DLGAP2: variants seen among roughly 807,000 people sequenced by gnomAD.
The protein encoded by DLGAP2 is disks large-associated protein 2.
DLGAP2 carries 26 observed loss-of-function variants against 100.3 expected under a neutral mutation model. The observed-to-expected ratio is 0.26, with a 90% CI of 0.19 to 0.36. The LOEUF is 0.36. DLGAP2 is among the 10% of genes least tolerant of loss of function. The probability of loss-of-function intolerance (pLI) is 1.00; values close to 1 mark genes in which losing one functional copy is unlikely to be tolerated. For missense variants in DLGAP2, 1,858 were observed against 1,453.2 expected (o/e 1.28, Z -4.53); for synonymous variants, 886 against 630.1 (o/e 1.41, Z -6.08).
intron 4 of DLGAP2, among the ~76,000 whole-genome samples, chr8:1,504,613 G>T (rs1799840734): frequency 6.6e-6 from 1 of 152,176 alleles, no homozygotes; most frequent in African/African-American, 2.4e-5. Context: ...TATGCTTTCA[G>T]ATTCCACGTG....
At chr8:1,425,614 A>G (rs574609072) in intron 3 of DLGAP2, among the ~76,000 whole-genome samples, 2 of 152,346 alleles carry the variant, frequency 1.3e-5, no homozygotes, top group African/African-American at 4.8e-5. Context: ...GCCTGGGCGC[A>G]TGATCCACAT....
intron 3 of DLGAP2, among the ~76,000 whole-genome samples, chr8:1,417,729 A>AGGGGGCCCCACTCCTGCCTCACT (rs1563134364): frequency 9.4e-4 from 12 of 12,708 alleles, no homozygotes; most frequent in African/African-American, 1.1e-3. Context: ...GGCTCCAGAC[A>AGGGGGCCCCACTCCTGCCTCACT]CAGAAGCCCA....
intron 2 of DLGAP2, among the ~76,000 whole-genome samples, chr8:1,114,585 C>T (rs529566050): frequency 2.0e-5 from 3 of 151,792 alleles, no homozygotes; most frequent in Admixed American, 2.0e-4. Context: ...TGGGCCTCCT[C>T]TCTTTTCTTC....
chr8:1,646,936 G>T (rs1798053512), intron 8 of DLGAP2, among the ~76,000 whole-genome samples: 3 of 152,222 alleles, frequency 2.0e-5, no homozygotes, highest in African/African-American at 7.2e-5. Flanking sequence ...AAAGGCCAGA[G>T]AAGCGTCGGA....
chr8:767,357 T>G (rs1175025991), intron 1 of DLGAP2, among the ~76,000 whole-genome samples: 2 of 150,224 alleles, frequency 1.3e-5, no homozygotes, highest in Admixed American at 1.3e-4. Flanking sequence ...TGTTTTTTTT[T>G]TTTTTTTTTT....
intron 4 of DLGAP2, among the ~76,000 whole-genome samples, chr8:1,537,475 G>A (rs1026749773): frequency 1.3e-5 from 2 of 152,032 alleles, no homozygotes; most frequent in Non-Finnish European, 2.9e-5. Flanking sequence ...CCACCACCCT[G>A]CCCCAGTCTC....
At chr8:1,552,679 T>C (rs79791695) in intron 5 of DLGAP2, among the ~76,000 whole-genome samples, 2 of 152,206 alleles carry the variant, frequency 1.3e-5, no homozygotes, top group Non-Finnish European at 2.9e-5. Flanking sequence ...AGTGTACGGA[T>C]AAGATTTAAA....
At chr8:1,540,086 C>T (rs1186849450) in intron 4 of DLGAP2, among the ~76,000 whole-genome samples, 1 of 152,224 alleles carries the variant, frequency 6.6e-6, no homozygotes, top group East Asian at 1.9e-4. Flanking sequence ...AGTGCCGCCA[C>T]AGGCACCAAC....
In DLGAP2 at chr8:886,135, T is replaced by C. The variant is rs553929945; in HGVS notation, c.19-21777T>C. On this transcript the variant is annotated intron_variant, in intron 1 of 14. Transcript: ENST00000637795. ...TCCCTGGTTTAGTCTTGGTAGGGTA[T>C]ATGCATCCAGGAATCTATCCAGTTA... Among the ~76,000 whole-genome samples the C allele has an allele frequency of 1.6e-4, 25 of 152,350 alleles. No individual in the cohort carries two copies. In the South Asian group the frequency reaches 2.3e-3, roughly 14 times the overall value.
chr8:1,362,623 C>G (rs1802007833), intron 3 of DLGAP2, among the ~76,000 whole-genome samples: 3 of 152,208 alleles, frequency 2.0e-5, no homozygotes, highest in Non-Finnish European at 2.9e-5. Context: ...CCCCTTAACA[C>G]CAGCACCGTC....
intron 2 of DLGAP2, among the ~76,000 whole-genome samples, chr8:1,146,206 G>A (rs372624413): frequency 4.6e-5 from 7 of 152,286 alleles, no homozygotes; most frequent in African/African-American, 1.4e-4. Context: ...ATCTTGTCAT[G>A]GTTTAATGTA....
chr8:1,488,993 A>C (rs1249552480), intron 3 of DLGAP2, among the ~76,000 whole-genome samples: 2 of 152,250 alleles, frequency 1.3e-5, no homozygotes, highest in African/African-American at 4.8e-5. Flanking sequence ...AACCCCACAG[A>C]CTCAACTCGC....
At chr8:769,162 T>C (rs967737165) in intron 1 of DLGAP2, among the ~76,000 whole-genome samples, 1 of 152,048 alleles carries the variant, frequency 6.6e-6, no homozygotes, top group Non-Finnish European at 1.5e-5. Context: ...CAGAAACCTT[T>C]TGAGGTTAAT....
chr8:1,548,016 T>C (rs933373444), intron 4 of DLGAP2, among the ~76,000 whole-genome samples: 4 of 152,210 alleles, frequency 2.6e-5, no homozygotes, highest in Non-Finnish European at 4.4e-5. Flanking sequence ...GAAATACAAC[T>C]ATGCTTTTCC....
chr8:797,405 G>A (rs1024775712), intron 1 of DLGAP2, among the ~76,000 whole-genome samples: 1 of 152,176 alleles, frequency 6.6e-6, no homozygotes, highest in Non-Finnish European at 1.5e-5. Flanking sequence ...TATTGTTGAT[G>A]ATCAATCTTC....
chr8:787,351 G>C (rs1388068099), intron 1 of DLGAP2, among the ~76,000 whole-genome samples: 9 of 152,188 alleles, frequency 5.9e-5, no homozygotes, highest in Admixed American at 5.9e-4. Context: ...CCATGTTGTA[G>C]CAATCATATA....
chr8:796,902 A>G (rs929109331), intron 1 of DLGAP2, among the ~76,000 whole-genome samples: 7 of 144,556 alleles, frequency 4.8e-5, no homozygotes, highest in African/African-American at 1.7e-4. Flanking sequence ...TGCTCAGCAA[A>G]CACCTACTTA....
intron 2 of DLGAP2, among the ~76,000 whole-genome samples, chr8:919,322 C>T (rs911887587): frequency 4.6e-5 from 7 of 152,258 alleles, no homozygotes; most frequent in East Asian, 1.9e-4. Context: ...ACAGAGCTGC[C>T]GACATCAGGC....
At chr8:1,467,296 T>G (rs1350315705) in intron 3 of DLGAP2, among the ~76,000 whole-genome samples, 3 of 144,316 alleles carry the variant, frequency 2.1e-5, no homozygotes, top group African/African-American at 7.8e-5. Context: ...CATCCAGCCC[T>G]CCTTATGGTC....
Sources: allele counts gnomAD v4.1 joint callset (sites outside exome capture counted in the v4.1 genomes callset), GRCh38; gene constraint gnomAD v4.1.1; transcripts MANE v1.5; gene names NCBI Gene and HGNC (gene_info 2026-07-23, HGNC 2026-07-21).